The following MICALL1 variants were observed in gnomAD, a reference collection of about 807,000 sequenced individuals.
The protein encoded by MICALL1 is MICAL-like protein 1.
Under a neutral mutation model 83.7 loss-of-function variants are expected in MICALL1, and 61 were observed. That is an observed-to-expected ratio of 0.73 (90% CI 0.59 to 0.90). The LOEUF is 0.90. Ranked by LOEUF, MICALL1 falls within the 40% of genes least tolerant of loss-of-function variation. The probability of loss-of-function intolerance (pLI) is 0.00; values close to 1 mark genes in which losing one functional copy is unlikely to be tolerated. For missense variants in MICALL1, 1,066 were observed against 1,152.0 expected (o/e 0.93, Z 1.08); for synonymous variants, 481 against 473.6 (o/e 1.02, Z -0.20).
chr22:37,923,348 T>TCCC (rs1929216461), intron 6 of MICALL1, among the ~76,000 whole-genome samples: 1 of 152,024 alleles, frequency 6.6e-6, no homozygotes, highest in Non-Finnish European at 1.5e-5. Context: ...TGCCTCAGCC[T>TCCC]TCCAAGTAGC....
In MICALL1 at chr22:37,927,817, G is replaced by A. The variant is rs1031880071; in HGVS notation, c.1872G>A (p.Leu624=). ...CCCCTGGAAGCTCGTCCCCACAGCTGCAGGTAAAGGTGAGTGCCCCCTCAC... is the reference window on the plus strand; with the variant it reads ...CCCCTGGAAGCTCGTCCCCACAGCTACAGGTAAAGGTGAGTGCCCCCTCAC... ...VPSPGSSSPQ[L]QVKSSCKENP... The change falls in exon 9 of 16, where the codon CTG becomes CTA. Residue 624 remains leucine (L), a synonymous_variant. Transcript: ENST00000215957. 6.2e-7 allele frequency: 1 copy of A among 1,605,328 alleles called. No individual in the cohort carries two copies. The highest frequency in any genetic ancestry group is 1.3e-5 in the African/African-American group (1 of 74,906).
Position 37,922,171 on chromosome 22 carries a change from C to A in MICALL1, c.769C>A (p.Pro257Thr), listed in dbSNP as rs981723049. 7 of 1,612,974 alleles carry A rather than the reference C, an allele frequency of 4.3e-6. No homozygotes were observed. The highest frequency in any genetic ancestry group is 1.3e-5 in the African/African-American group (1 of 75,038). ...EDAKDVPGGG[P>T]SSSAPAGAEA... ...TGCCAAGGATGTTCCAGGAGGCGGC[C>A]CCAGCTCCAGTGCTCCTGCAGGGGC... is the stretch of plus-strand genomic sequence containing the variant. The change falls in exon 6 of 16, where the codon CCC (proline) becomes ACC (threonine). Residue 257 changes from proline to threonine, a missense_variant. Coordinates refer to ENST00000215957, the MANE Select transcript of MICALL1 (RefSeq NM_033386.4).
At chr22:37,912,022 A>C (rs762210677) in intron 2 of MICALL1, 22 bp downstream of exon 2, 24 of 1,611,270 alleles carry the variant, frequency 1.5e-5, no homozygotes, top group Non-Finnish European at 8.5e-7. Flanking sequence ...GACAGGTGGA[A>C]GCCCAAGAGG....
intron 1 of MICALL1, among the ~76,000 whole-genome samples, chr22:37,911,137 G>T (rs988319313): frequency 6.6e-6 from 1 of 152,208 alleles, no homozygotes. Context: ...CCCGTGCTGG[G>T]GCCCCCAGAC....
intron 4 of MICALL1, 25 bp from the exon 5 acceptor site, chr22:37,919,011 A>G (rs202004697): frequency 2.7e-4 from 417 of 1,525,300 alleles, no homozygotes; most frequent in Non-Finnish European, 3.3e-4. Flanking sequence ...CCTGCTCCCA[A>G]CCTCCCCCAC....
At chr22:37,907,809 GT>G (rs1928061432) in intron 1 of MICALL1, among the ~76,000 whole-genome samples, 1 of 152,240 alleles carries the variant, frequency 6.6e-6, no homozygotes, top group Non-Finnish European at 1.5e-5. Flanking sequence ...ACAAGATGAG[GT>G]GGTCATGTAG....
Position 37,927,823 on chromosome 22 carries a change from A to G in MICALL1, c.1878A>G (p.Val626=). Residue 626 remains valine (V), a synonymous_variant, in exon 9 of 16, where the codon GTA becomes GTG. Transcript: ENST00000215957. ...SPGSSSPQLQ[V]KSSCKENPFN... is the part of the protein sequence containing the mutation. ...GAAGCTCGTCCCCACAGCTGCAGGT[A>G]AAGGTGAGTGCCCCCTCACCCTCAC... 1 of 1,603,694 alleles carries G rather than the reference A, an allele frequency of 6.2e-7. No homozygotes were observed. Among genetic ancestry groups the G allele is most frequent in the Non-Finnish European group, 8.5e-7 (1 of 1,173,970 alleles).
chr22:37,915,571 T>G (rs184022487), intron 3 of MICALL1, among the ~76,000 whole-genome samples: 2 of 152,158 alleles, frequency 1.3e-5, no homozygotes, highest in Non-Finnish European at 2.9e-5. Flanking sequence ...ATAACACCCA[T>G]CTCACAGGGT....
At position 37,922,341 on chromosome 22, in the gene MICALL1, C is replaced by T. The variant is rs1195039000; in HGVS notation, c.939C>T (p.Thr313=). ...PAPRKASEST[T]PAPPTPRPRS... is the part of the protein sequence containing the mutation. ...CCAGGAAGGCCTCTGAGAGCACCAC[C>T]CCAGCACCCCCCACGCCCCGGCCCC... The change falls in exon 6 of 16, where the codon ACC becomes ACT. Residue 313 remains threonine, a synonymous_variant. Transcript: ENST00000215957. 2.0e-6 allele frequency: 3 copies of T among 1,525,136 alleles called. No individual in the cohort carries two copies. Among genetic ancestry groups the T allele is most frequent in the Non-Finnish European group, 2.6e-6 (3 of 1,137,482 alleles). The allele number at this position is 1,525,136 out of a possible 1,614,324, so 94.5% of individuals were successfully genotyped here. A position where few individuals can be genotyped will look rare whatever the true frequency, so the allele number is the denominator to read the frequency against.
At chr22:37,914,528 T>G (rs2145888084) in intron 3 of MICALL1, among the ~76,000 whole-genome samples, 1 of 151,356 alleles carries the variant, frequency 6.6e-6, no homozygotes, top group East Asian at 1.9e-4. Context: ...CACCCAGCCA[T>G]CTTTTCTTTC....
chr22:37,929,087 CT>C (rs1186866565), intron 9 of MICALL1, among the ~76,000 whole-genome samples: 1 of 152,022 alleles, frequency 6.6e-6, no homozygotes, highest in Non-Finnish European at 1.5e-5. Context: ...GGCCCACAGC[CT>C]GGGCAACAGA....
intron 9 of MICALL1, 137 bp downstream of exon 9, chr22:37,927,963 A>G: frequency 1.0e-6 from 1 of 957,608 alleles, no homozygotes; most frequent in Non-Finnish European, 1.5e-6. Context: ...GCTGGAGTGC[A>G]GTGGCGCGAT....
chr22:37,910,704 A>G (rs1053879538), intron 1 of MICALL1, among the ~76,000 whole-genome samples: 2 of 152,118 alleles, frequency 1.3e-5, no homozygotes, highest in African/African-American at 4.8e-5. Context: ...CCCAGGGTTC[A>G]CAGTCCCTGG....
rs1294065599 is a variant in MICALL1 at position 37,922,251 on chromosome 22, G to A, written c.849G>A (p.Lys283=). The A allele has an allele frequency of 6.3e-7, 1 of 1,595,760 alleles. No individual in the cohort carries two copies. The highest frequency in any genetic ancestry group is 8.5e-7 in the Non-Finnish European group (1 of 1,171,680). ...AGGCCCGGCCGCAGATCCCTACCAA[G>A]CCCCGGGTTCCTGGCAAACTACAGG... ...SPEARPQIPT[K]PRVPGKLQEL... The change falls in exon 6 of 16, where the codon AAG becomes AAA. Residue 283 remains lysine (K), a synonymous_variant. Coordinates refer to ENST00000215957, the MANE Select transcript of MICALL1 (RefSeq NM_033386.4).
intron 9 of MICALL1, 108 bp downstream of exon 9, chr22:37,927,934 G>GTC (rs768676027): frequency 2.9e-4 from 339 of 1,178,580 alleles, no homozygotes; most frequent in Non-Finnish European, 3.7e-4. Flanking sequence ...TTGAGATGGA[G>GTC]TCTCTCTCTG....
At chr22:37,921,451 T>G (rs1410796923) in intron 5 of MICALL1, among the ~76,000 whole-genome samples, 1 of 152,078 alleles carries the variant, frequency 6.6e-6, no homozygotes, top group Non-Finnish European at 1.5e-5. Flanking sequence ...CAGATGCCTG[T>G]AATCCCAGCC....
chr22:37,915,758 G>A (rs1176960582), intron 3 of MICALL1, among the ~76,000 whole-genome samples: 1 of 149,924 alleles, frequency 6.7e-6, no homozygotes, highest in Non-Finnish European at 1.5e-5. Flanking sequence ...CGATTCTCAT[G>A]CCTCAGTCTC....
chr22:37,924,682 C>A lies in MICALL1; in HGVS notation c.1047C>A (p.Val349=). Residue 349 remains valine, a synonymous_variant, in exon 7 of 16, where the codon GTC becomes GTA. Transcript: ENST00000215957. This position sits in a 1 kb window ranked among gnomAD's most constrained non-coding sequence, Gnocchi z 5.2. ...TAGGGAGACTGCACGAACTGCCTGT[C>A]CCCAAGCCGAGGGGGACACCGAAGC... The part of the protein sequence containing the change: ...LVNGRLHELP[V]PKPRGTPKPS... 6.2e-7 allele frequency: 1 copy of A among 1,612,428 alleles called. No individual in the cohort carries two copies. Among genetic ancestry groups the A allele is most frequent in the Non-Finnish European group, 8.5e-7 (1 of 1,179,136 alleles).
Position 37,906,473 on chromosome 22 carries a change from G to A in MICALL1, c.51G>A (p.Glu17=). 3 of 1,241,046 alleles carry A rather than the reference G, an allele frequency of 2.4e-6. No individual in the cohort carries two copies. The highest frequency in any genetic ancestry group is 3.1e-6 in the Non-Finnish European group (3 of 982,138). 76.9% of individuals were successfully genotyped at this position (1,241,046 alleles called of 1,614,324 possible). A position where few individuals can be genotyped will look rare whatever the true frequency, so the allele number is the denominator to read the frequency against. Residue 17 remains glutamate (E), a synonymous_variant, in exon 1 of 16, where the codon GAG becomes GAA. Transcript: ENST00000215957. The surrounding 1 kb of genome is among the most constrained non-coding windows in gnomAD (Gnocchi z 4.4). The part of the protein sequence containing the change: ...ALLAWCRRQC[E]GYRGVEIRDL... ...TGGCCTGGTGCCGCCGCCAGTGCGAGGGCTACCGCGGCGTGGAGATCCGCG... is the reference window on the plus strand; with the variant it reads ...TGGCCTGGTGCCGCCGCCAGTGCGAAGGCTACCGCGGCGTGGAGATCCGCG...
Sources: allele counts gnomAD v4.1 joint callset (sites outside exome capture counted in the v4.1 genomes callset), GRCh38; gene constraint gnomAD v4.1.1; non-coding constraint Gnocchi (gnomAD v3.1); transcripts MANE v1.5; gene names NCBI Gene and HGNC (gene_info 2026-07-23, HGNC 2026-07-21).